NBAS: variants seen among roughly 807,000 people sequenced by gnomAD.
NBAS encodes NBAS subunit of NRZ tethering complex, also known as NAG/BC035112 fusion.
In NBAS, 219 loss-of-function variants were observed where a neutral mutation model predicts 302.5. That is an observed-to-expected ratio of 0.72 (90% CI 0.65 to 0.81). The LOEUF is 0.81. Ranked by LOEUF, NBAS falls within the 30% of genes least tolerant of loss-of-function variation. The probability of loss-of-function intolerance (pLI) is 0.00; values close to 1 mark genes in which losing one functional copy is unlikely to be tolerated. For missense variants in NBAS, 2,932 were observed against 2,841.6 expected (o/e 1.03, Z -0.72); for synonymous variants, 1,118 against 1,021.6 (o/e 1.09, Z -1.80).
the NBAS span, among the ~76,000 whole-genome samples, chr2:15,079,395 T>C: frequency 6.6e-6 from 1 of 152,182 alleles, no homozygotes; most frequent in South Asian, 2.1e-4. Context: ...AGATCATAAG[T>C]AAGAATGTCA....
chr2:15,529,385 C>T (rs1036225611), intron 9 of NBAS, among the ~76,000 whole-genome samples: 3 of 151,834 alleles, frequency 2.0e-5, no homozygotes, highest in African/African-American at 4.8e-5. Flanking sequence ...CCCAGCTACT[C>T]GAGAGGCTCA....
At chr2:15,095,689 C>T in the NBAS span, among the ~76,000 whole-genome samples, 1 of 152,196 alleles carries the variant, frequency 6.6e-6, no homozygotes, top group Non-Finnish European at 1.5e-5. Context: ...CATGAACCTT[C>T]CCTGGTAAGC....
rs1669954009 is a variant in NBAS at position 15,473,288 on chromosome 2, A to G, written c.1659T>C (p.Thr553=). The change falls in exon 16 of 52, where the codon ACT becomes ACC. Residue 553 remains threonine (T), a synonymous_variant. Coordinates refer to ENST00000281513, the MANE Select transcript of NBAS (RefSeq NM_015909.4). ...LSLAHTYGLD[T]DLVYQRQWRK... ...TCCACTGCCTCTGATATACAAGGTC[A>G]GTATCCAGGCCGTAGGTATGAGCCA... 2 of 1,614,138 alleles carry G rather than the reference A, an allele frequency of 1.2e-6. No homozygotes were observed. Among genetic ancestry groups the G allele is most frequent in the Non-Finnish European group, 1.7e-6 (2 of 1,179,966 alleles).
chr2:15,084,687 C>CGCGG, the NBAS span, among the ~76,000 whole-genome samples: 33 of 143,604 alleles, frequency 2.3e-4, no homozygotes, highest in African/African-American at 9.6e-4. Context: ...ATCGGCGGGG[C>CGCGG]GGGGGGGGTT....
At chr2:15,081,647 C>T in the NBAS span, among the ~76,000 whole-genome samples, 1 of 152,100 alleles carries the variant, frequency 6.6e-6, no homozygotes, top group African/African-American at 2.4e-5. Flanking sequence ...AAAGAGATGC[C>T]CCAGCGTCCC....
intron 28 of NBAS, among the ~76,000 whole-genome samples, chr2:15,387,127 G>A (rs1295677926): frequency 1.3e-5 from 2 of 149,532 alleles, no homozygotes; most frequent in Non-Finnish European, 3.0e-5. Context: ...GAGAGCAGTG[G>A]TGCAATCTCA....
rs1043165618 is a variant in NBAS, at chr2:15,489,091, C to T, written c.955-69G>A. 2.7e-5 allele frequency: 42 copies of T among 1,557,742 alleles called. No homozygotes were observed. In the African/African-American group the frequency reaches 4.5e-4, roughly 17 times the overall value. On this transcript the variant is annotated intron_variant, in intron 11 of 51. Transcript: ENST00000281513. The stretch of plus-strand genomic sequence containing the variant: ...ATGTAAATAACTCAGAAGTAAATGA[C>T]ACTCTTTAGAGGTGCCAAGTTATAA...
chr2:14,883,087 C>T, the NBAS span, among the ~76,000 whole-genome samples: 1 of 152,174 alleles, frequency 6.6e-6, no homozygotes, highest in Non-Finnish European at 1.5e-5. Flanking sequence ...AATACGTCAA[C>T]TTAAGCATTT....
the NBAS span, among the ~76,000 whole-genome samples, chr2:14,966,366 T>TA: frequency 6.6e-6 from 1 of 152,216 alleles, no homozygotes; most frequent in South Asian, 2.1e-4. Context: ...ACACACTTGT[T>TA]AAAAATAACA....
rs199989865 is a variant in NBAS, at chr2:15,432,277, T to TAA, written c.2340-4485_2340-4484dup. Among the ~76,000 whole-genome samples, 119 of 141,066 alleles carry TAA rather than the reference T, an allele frequency of 8.4e-4. 1 individual carries two copies. The highest frequency in any genetic ancestry group is 2.5e-3 in the African/African-American group (98 of 39,114). The allele number at this position is 141,066 out of a possible 152,430, so 92.5% of individuals were successfully genotyped here. On this transcript the variant is annotated intron_variant, in intron 21 of 51. Coordinates refer to ENST00000281513, the MANE Select transcript of NBAS (RefSeq NM_015909.4). ...AAGATTTAAATACATCATCTCCACTTAAAAAAAAAAAAAAGGATTATATGG... is the reference window on the plus strand; with the variant it reads ...AAGATTTAAATACATCATCTCCACTTAAAAAAAAAAAAAAAAGGATTATATGG...
At chr2:15,241,862 A>G (rs901228119) in intron 44 of NBAS, among the ~76,000 whole-genome samples, 8 of 152,272 alleles carry the variant, frequency 5.3e-5, no homozygotes, top group Non-Finnish European at 1.0e-4. Flanking sequence ...ACTGGTCCCT[A>G]GCTAAGTCTC....
At chr2:15,124,197 G>C in the NBAS span, among the ~76,000 whole-genome samples, 1 of 152,168 alleles carries the variant, frequency 6.6e-6, no homozygotes, top group Non-Finnish European at 1.5e-5. Flanking sequence ...GAACTTGAGA[G>C]TGATGACTTA....
intron 33 of NBAS, 113 bp downstream of exon 33, chr2:15,356,190 G>A (rs1673608841): frequency 2.4e-6 from 2 of 826,102 alleles, no homozygotes; most frequent in East Asian, 2.5e-5. Context: ...TGTATCTCAA[G>A]CCTCAATGTG....
At chr2:15,419,417 G>T (rs552743232) in intron 23 of NBAS, among the ~76,000 whole-genome samples, 15 of 152,160 alleles carry the variant, frequency 9.9e-5, no homozygotes, top group Admixed American at 4.6e-4. Flanking sequence ...GTGTGTGTGT[G>T]TGTCTGTGTT....
chr2:15,521,529 T>C (rs573290421), intron 9 of NBAS, among the ~76,000 whole-genome samples: 1 of 152,290 alleles, frequency 6.6e-6, no homozygotes, highest in South Asian at 2.1e-4. Context: ...CAGATGGAAG[T>C]TTCTGCCTTC....
intron 22 of NBAS, among the ~76,000 whole-genome samples, chr2:15,427,486 T>C (rs184409315): frequency 1.3e-3 from 193 of 152,338 alleles, no homozygotes; most frequent in African/African-American, 4.4e-3. Context: ...AAAACAGTTG[T>C]TGTAATAAGC....
chr2:14,971,012 C>T, the NBAS span, among the ~76,000 whole-genome samples: 4 of 152,272 alleles, frequency 2.6e-5, no homozygotes, highest in Admixed American at 6.5e-5. Flanking sequence ...GAAAGACCAG[C>T]GAGCCCCTTC....
chr2:15,180,930 A>G (rs1369730759), intron 50 of NBAS, among the ~76,000 whole-genome samples: 1 of 152,192 alleles, frequency 6.6e-6, no homozygotes, highest in Non-Finnish European at 1.5e-5. Context: ...AAATGCACAG[A>G]AAAACTATAC....
intron 13 of NBAS, 110 bp downstream of exon 13, chr2:15,478,116 T>C: frequency 1.2e-6 from 1 of 810,444 alleles, no homozygotes; most frequent in Non-Finnish European, 2.0e-6. Flanking sequence ...TTGATGTTTC[T>C]TCCAAAGTGC....
Sources: gnomAD v4.1 joint callset for allele counts (sites outside exome capture counted in the v4.1 genomes callset) on GRCh38, gnomAD v4.1.1 for gene constraint, MANE v1.5 for transcripts, NCBI Gene and HGNC (gene_info 2026-07-23, HGNC 2026-07-21) for gene names.